The following LRRC37A2 variants were observed in gnomAD, a reference collection of about 807,000 sequenced individuals.
The protein encoded by LRRC37A2 is leucine rich repeat containing 37 member A2.
In LRRC37A2, 9 loss-of-function variants were observed where a neutral mutation model predicts 68.8. The ratio of observed to expected loss-of-function variants is 0.13; its 90% confidence interval spans 0.08 to 0.23. LRRC37A2 has a LOEUF of 0.23. Among genes scored for constraint, LRRC37A2 ranks in the 10% least tolerant of loss-of-function variants. The pLI, the probability that LRRC37A2 is intolerant of heterozygous loss-of-function variation, is 1.00. For synonymous variants in LRRC37A2, 63 were observed against 367.6 expected, an observed-to-expected ratio of 0.17 and a Z score of 9.48; for missense variants, 168 against 950.4, an observed-to-expected ratio of 0.18 and a Z score of 10.82.
At chr17:46,953,330 G>A in the LRRC37A2 span, among the ~76,000 whole-genome samples, 1 of 152,128 alleles carries the variant, frequency 6.6e-6, no homozygotes, top group Non-Finnish European at 1.5e-5. Flanking sequence ...AGTTTGCTGA[G>A]AATGATGGTT....
At chr17:46,795,250 C>T in the LRRC37A2 span, among the ~76,000 whole-genome samples, 2 of 152,214 alleles carry the variant, frequency 1.3e-5, no homozygotes, top group African/African-American at 4.8e-5. Context: ...TCCTACCCCA[C>T]ACCAGCGCAT....
the LRRC37A2 span, among the ~76,000 whole-genome samples, chr17:46,781,668 C>T: frequency 1.3e-5 from 2 of 152,098 alleles, no homozygotes; most frequent in African/African-American, 4.8e-5. Flanking sequence ...GATGGTCACA[C>T]AGCATTGGAA....
the LRRC37A2 span, among the ~76,000 whole-genome samples, chr17:46,981,607 G>C: frequency 6.6e-6 from 1 of 152,188 alleles, no homozygotes; most frequent in Non-Finnish European, 1.5e-5. Context: ...TGTTATAGCA[G>C]CATAAAGCAG....
At chr17:46,789,358 T>C in the LRRC37A2 span, among the ~76,000 whole-genome samples, 1 of 152,154 alleles carries the variant, frequency 6.6e-6, no homozygotes, top group Non-Finnish European at 1.5e-5. Context: ...GGCTATACAC[T>C]ACGGCAGATC....
At chr17:47,005,741 G>A in the LRRC37A2 span, 10 of 152,148 alleles carry the variant, frequency 6.6e-5, no homozygotes, top group African/African-American at 2.4e-4. Context: ...GGGGATTCTG[G>A]AGTCTGGCTG....
the LRRC37A2 span, among the ~76,000 whole-genome samples, chr17:47,009,465 G>A: frequency 6.6e-6 from 1 of 152,182 alleles, no homozygotes; most frequent in Non-Finnish European, 1.5e-5. Context: ...GGGAGCTGGG[G>A]GTGGAGGGTC....
At chr17:46,925,439 G>T in the LRRC37A2 span, among the ~76,000 whole-genome samples, 1 of 152,324 alleles carries the variant, frequency 6.6e-6, no homozygotes, top group Non-Finnish European at 1.5e-5. Context: ...CTTCTTTTAT[G>T]CTGCAGTATC....
chr17:46,498,525 GAACATC>G, the LRRC37A2 span, among the ~76,000 whole-genome samples: 1 of 137,806 alleles, frequency 7.3e-6, no homozygotes, highest in African/African-American at 3.2e-5. Flanking sequence ...AGTAACTACA[GAACATC>G]GTTAAAGTAC....
chr17:47,012,503 G>A, the LRRC37A2 span, among the ~76,000 whole-genome samples: 14 of 151,924 alleles, frequency 9.2e-5, no homozygotes, highest in Middle Eastern at 6.8e-3. Context: ...CTAGTATCCA[G>A]AATATATAAA....
At chr17:46,994,240 C>A in the LRRC37A2 span, among the ~76,000 whole-genome samples, 2 of 151,974 alleles carry the variant, frequency 1.3e-5, no homozygotes, top group Non-Finnish European at 2.9e-5. Flanking sequence ...CAATAATTAG[C>A]CAGGTGTGGT....
chr17:46,543,367 C>G (rs549531203), intron 8 of LRRC37A2, among the ~76,000 whole-genome samples: 2 of 150,880 alleles, frequency 1.3e-5, no homozygotes, highest in African/African-American at 5.0e-5. Context: ...TACTTTAAAA[C>G]AATCCTGGGA....
the LRRC37A2 span, among the ~76,000 whole-genome samples, chr17:46,784,968 G>T: frequency 6.6e-6 from 1 of 152,022 alleles, no homozygotes; most frequent in East Asian, 2.0e-4. Flanking sequence ...TAGTAGAGAC[G>T]GGGTTTCACT....
At chr17:46,854,711 G>A in the LRRC37A2 span, among the ~76,000 whole-genome samples, 7,245 of 152,048 alleles carry the variant, frequency 0.048, 586 homozygotes, top group African/African-American at 0.16. Flanking sequence ...ACCCAGGCTG[G>A]GTGCAGTGTC....
chr17:46,779,740 G>A, the LRRC37A2 span, among the ~76,000 whole-genome samples: 113 of 149,050 alleles, frequency 7.6e-4, 2 homozygotes, highest in Non-Finnish European at 5.5e-4. Context: ...CCTGCATGGT[G>A]AGCACAAGGC....
At chr17:46,747,926 T>C in the LRRC37A2 span, among the ~76,000 whole-genome samples, 1 of 152,118 alleles carries the variant, frequency 6.6e-6, no homozygotes, top group African/African-American at 2.4e-5. Flanking sequence ...AAAATGAGTA[T>C]AGAAAGAACC....
At chr17:46,975,467 C>T in the LRRC37A2 span, 2 of 152,476 alleles carry the variant, frequency 1.3e-5, no homozygotes, top group African/African-American at 4.8e-5. Context: ...CTCATTCACT[C>T]TTACCTTATG....
the LRRC37A2 span, chr17:46,713,396 G>A: frequency 6.4e-6 from 1 of 156,612 alleles, no homozygotes; most frequent in South Asian, 1.9e-4. Flanking sequence ...TTATGAGAAG[G>A]CCTGAGTCTT....
chr17:46,902,693 A>G, the LRRC37A2 span, among the ~76,000 whole-genome samples: 6 of 152,148 alleles, frequency 3.9e-5, no homozygotes, highest in Non-Finnish European at 8.8e-5. Flanking sequence ...GAAGAAACAC[A>G]AAACATTTAG....
chr17:46,956,524 A>T, the LRRC37A2 span, among the ~76,000 whole-genome samples: 2 of 149,784 alleles, frequency 1.3e-5, no homozygotes, highest in Non-Finnish European at 3.0e-5. Flanking sequence ...CTAGTCTCAA[A>T]CTCCTGACCT....
Sources: gnomAD v4.1 joint callset for allele counts (sites outside exome capture counted in the v4.1 genomes callset) on GRCh38, gnomAD v4.1.1 for gene constraint, MANE v1.5 for transcripts, NCBI Gene and HGNC (gene_info 2026-07-23, HGNC 2026-07-21) for gene names.